CDKL3: variants seen among roughly 807,000 people sequenced by gnomAD.
The protein encoded by CDKL3 is cyclin-dependent kinase-like 3.
CDKL3 carries 65 observed loss-of-function variants against 69.3 expected under a neutral mutation model. The ratio of observed to expected loss-of-function variants is 0.94; its 90% CI spans 0.77 to 1.15. The LOEUF is 1.15. CDKL3 is among the 50% of genes most tolerant of loss of function. The probability of loss-of-function intolerance (pLI) is 0.00; values close to 1 mark genes in which losing one functional copy is unlikely to be tolerated. For missense variants in CDKL3, 652 were observed against 689.2 expected, an observed-to-expected ratio of 0.95 and a Z score of 0.61; for synonymous variants, 202 against 221.6, an observed-to-expected ratio of 0.91 and a Z score of 0.79.
At chr5:134,338,835 A>C (rs1164508148) in intron 4 of CDKL3, among the ~76,000 whole-genome samples, 1 of 152,194 alleles carries the variant, frequency 6.6e-6, no homozygotes, top group Non-Finnish European at 1.5e-5. Context: ...AAAATGGCAG[A>C]TGTAATTACA....
intron 4 of CDKL3, among the ~76,000 whole-genome samples, chr5:134,343,907 G>A (rs747222106): frequency 6.6e-6 from 1 of 152,138 alleles, no homozygotes; most frequent in Non-Finnish European, 1.5e-5. Context: ...CCGGCTCTGC[G>A]TGAGTTATTC....
chr5:134,371,530 C>T (rs902487612), upstream of CDKL3: 2 of 1,567,856 alleles, frequency 1.3e-6, no homozygotes, highest in African/African-American at 1.4e-5. Flanking sequence ...GGCCGCCGCG[C>T]CGGGGGGTGG....
chr5:134,347,033 G>A (rs1351429205), intron 4 of CDKL3, among the ~76,000 whole-genome samples: 1 of 152,060 alleles, frequency 6.6e-6, no homozygotes, highest in Non-Finnish European at 1.5e-5. Context: ...ATTTATAAAA[G>A]TATTCAAGTA....
At chr5:134,307,396 G>A (rs1768170359) in intron 9 of CDKL3, among the ~76,000 whole-genome samples, 2 of 152,136 alleles carry the variant, frequency 1.3e-5, no homozygotes, top group African/African-American at 4.8e-5. Context: ...GAACAACTAG[G>A]CTCTTGCAGT....
Position 134,327,019 on chromosome 5 carries a change from G to A in CDKL3, c.540-5116C>T, listed in dbSNP as rs558738374. Among the ~76,000 whole-genome samples, 5 of 151,920 alleles carry A rather than the reference G, an allele frequency of 3.3e-5. No individual in the cohort carries two copies. The South Asian group carries it at 8.3e-4, about 25-fold the overall frequency. ...TCCTTCCCCACTCTCTGCCTGGTGA[G>A]GCAAAGACTCCACTCTAGGGCTCCC... On this transcript the variant is annotated intron_variant, in intron 4 of 12. Transcript: ENST00000265334.
Position 134,299,555 on chromosome 5 carries a change from T to C in CDKL3, c.1720-845A>G, listed in dbSNP as rs1289376253. On this transcript the variant is annotated intron_variant, in intron 12 of 12. Coordinates refer to ENST00000265334, the MANE Select transcript of CDKL3 (RefSeq NM_001113575.2). ...AAATTTAAAAACAAATTTAGGTGAA[T>C]GTACATATAACTAACAGGATTTACG... 2.5e-6 allele frequency: 3 copies of C among 1,208,096 alleles called. No individual in the cohort carries two copies. In the African/African-American group the frequency reaches 4.6e-5, roughly 19 times the overall value. The allele number at this position is 1,208,096 out of a possible 1,614,324, so 74.8% of individuals were successfully genotyped here.
chr5:134,292,787 A>T (rs1235994485), intron 8 of CDKL3, among the ~76,000 whole-genome samples: 1 of 152,044 alleles, frequency 6.6e-6, no homozygotes, highest in African/African-American at 2.4e-5. Flanking sequence ...CCAACTTAAA[A>T]ATGATAACAA....
At chr5:134,337,005 T>G (rs1777280591) in intron 4 of CDKL3, among the ~76,000 whole-genome samples, 3 of 152,226 alleles carry the variant, frequency 2.0e-5, no homozygotes, top group Admixed American at 2.0e-4. Context: ...GTTTCCCTGC[T>G]GCTTTGTTTA....
At chr5:134,292,160 T>C (rs905972027) in intron 8 of CDKL3, among the ~76,000 whole-genome samples, 3 of 152,210 alleles carry the variant, frequency 2.0e-5, no homozygotes, top group African/African-American at 7.2e-5. Flanking sequence ...ACACCCATTT[T>C]CAGCAGAATA....
intron 3 of CDKL3, among the ~76,000 whole-genome samples, chr5:134,357,456 A>G (rs188599071): frequency 6.6e-6 from 1 of 151,378 alleles, no homozygotes; most frequent in East Asian, 1.9e-4. Flanking sequence ...AATAAAATAA[A>G]ATAAAATAAA....
intron 3 of CDKL3, among the ~76,000 whole-genome samples, chr5:134,356,229 G>A (rs1177010048): frequency 6.6e-6 from 1 of 152,208 alleles, no homozygotes; most frequent in East Asian, 1.9e-4. Context: ...GCACAGTTCA[G>A]AGTAGGGTTC....
At chr5:134,327,158 T>C (rs1054033042) in intron 4 of CDKL3, among the ~76,000 whole-genome samples, 3 of 151,892 alleles carry the variant, frequency 2.0e-5, no homozygotes, top group Non-Finnish European at 2.9e-5. Flanking sequence ...GTGATTAGTG[T>C]CAAGAGGAGG....
intron 6 of CDKL3, among the ~76,000 whole-genome samples, chr5:134,314,429 G>A (rs1030687451): frequency 4.6e-5 from 7 of 152,140 alleles, no homozygotes; most frequent in African/African-American, 1.4e-4. Flanking sequence ...CCATGACCCA[G>A]CCATTCTGTT....
intron 10 of CDKL3, 104 bp downstream of exon 10, chr5:134,306,505 A>AAAAC: frequency 2.7e-6 from 2 of 731,652 alleles, no homozygotes; most frequent in South Asian, 1.6e-5. Context: ...TCAAAAAAAC[A>AAAAC]AAACAAACAA....
Position 134,340,264 on chromosome 5 carries a change from CCTATATGAAGA to C in CDKL3, c.539+9974_539+9984del, listed in dbSNP as rs1472035397. The stretch of plus-strand genomic sequence containing the variant: ...GAGAGGGAAATGTATAGCTGTAATG[CCTATATGAAGA>C]AAGATATCAAATCAGTAACCTAACC... On this transcript the variant is annotated intron_variant, in intron 4 of 12. Coordinates refer to ENST00000265334, the MANE Select transcript of CDKL3 (RefSeq NM_001113575.2). Among the ~76,000 whole-genome samples, 9 of 152,164 alleles carry C rather than the reference CCTATATGAAGA, an allele frequency of 5.9e-5. No homozygotes were observed. In the East Asian group the frequency reaches 1.5e-3, roughly 26 times the overall value.
Position 134,308,239 on chromosome 5 carries a change from A to C in CDKL3, c.1263T>G (p.Asn421Lys). Residue 421 changes from asparagine to lysine, a missense_variant, in exon 9 of 13, where the codon AAT becomes AAG. Transcript: ENST00000265334. ...TTGTCACAGAACCTCCGCAATGTGG[A>C]TTTTCTTTCAAGCCATTACAGTTAG... ...PSTNCNGLKE[N>K]PHCGGSVTMP... The C allele has an allele frequency of 6.2e-7, 1 of 1,613,870 alleles. No homozygotes were observed. The highest frequency in any genetic ancestry group is 8.5e-7 in the Non-Finnish European group (1 of 1,179,852).
intron 2 of CDKL3, among the ~76,000 whole-genome samples, chr5:134,365,327 C>T (rs1757155421): frequency 1.3e-5 from 2 of 151,102 alleles, no homozygotes; most frequent in African/African-American, 4.9e-5. Flanking sequence ...ACTATGTTGT[C>T]CAGGACGGTC....
At chr5:134,364,276 A>C (rs1756823498) in intron 2 of CDKL3, among the ~76,000 whole-genome samples, 1 of 152,134 alleles carries the variant, frequency 6.6e-6, no homozygotes. Context: ...TCACACCTAC[A>C]TAGGATTCTG....
At position 134,304,437 on chromosome 5, in the gene CDKL3, G is replaced by A. The variant is rs757090993; in HGVS notation, c.1589C>T (p.Thr530Ile). ...TCCTTTTGTATCTTTTGACTGTATT[G>A]TGACAGGCAATTCTGGAAAATGGAA... is the stretch of plus-strand genomic sequence containing the variant. ...KEFHFPELPV[T>I]IQSKDTKGME... Residue 530 changes from threonine (T) to isoleucine (I), a missense_variant, in exon 11 of 13, where the codon ACA (threonine) becomes ATA (isoleucine). Transcript: ENST00000265334. The A allele has an allele frequency of 1.2e-6, 2 of 1,612,562 alleles. No homozygotes were observed. Among genetic ancestry groups the A allele is most frequent in the Admixed American group, 3.3e-5 (2 of 59,848 alleles).
Sources: allele counts gnomAD v4.1 joint callset (sites outside exome capture counted in the v4.1 genomes callset), GRCh38; gene constraint gnomAD v4.1.1; transcripts MANE v1.5; gene names NCBI Gene and HGNC (gene_info 2026-07-23, HGNC 2026-07-21).